The following GPC6 variants were observed in gnomAD, a reference collection of about 807,000 sequenced individuals.
GPC6 encodes the protein glypican-6.
In GPC6, 14 loss-of-function variants were observed where a neutral mutation model predicts 55.2. The observed-to-expected ratio is 0.25, with a 90% CI of 0.17 to 0.40. The LOEUF (loss-of-function observed/expected upper bound fraction) is 0.40. GPC6 is among the 10% of genes least tolerant of loss of function. The pLI is 1.00. For synonymous variants in GPC6, 278 were observed against 259.6 expected (o/e 1.07, Z -0.68); for missense variants, 641 against 708.5 (o/e 0.90, Z 1.08).
chr13:93,827,722 C>T (rs1458453044), intron 2 of GPC6, among the ~76,000 whole-genome samples: 2 of 152,130 alleles, frequency 1.3e-5, no homozygotes, highest in East Asian at 1.9e-4. Context: ...TTATTTGAGC[C>T]GTATTTATTG....
At chr13:93,787,322 T>C (rs2138916250) in intron 2 of GPC6, among the ~76,000 whole-genome samples, 1 of 152,326 alleles carries the variant, frequency 6.6e-6, no homozygotes. Flanking sequence ...ATAGGGTCTC[T>C]GTTATGACTA....
intron 7 of GPC6, among the ~76,000 whole-genome samples, chr13:94,395,208 T>C (rs1339514958): frequency 6.6e-6 from 1 of 152,150 alleles, no homozygotes; most frequent in African/African-American, 2.4e-5. Flanking sequence ...CAATGGCATA[T>C]TTTAGAAGTT....
chr13:93,640,188 A>G (rs1189318278), intron 2 of GPC6, among the ~76,000 whole-genome samples: 3 of 152,224 alleles, frequency 2.0e-5, no homozygotes, highest in African/African-American at 7.2e-5. Flanking sequence ...CACAGGCTTC[A>G]GGAGAAAGTC....
chr13:93,225,660 A>C (rs1376836199), upstream of GPC6, among the ~76,000 whole-genome samples: 1 of 152,016 alleles, frequency 6.6e-6, no homozygotes, highest in East Asian at 1.9e-4. Flanking sequence ...GGAGAGGGGG[A>C]ATTTATTAAA....
chr13:93,638,472 G>A (rs1879785527), intron 2 of GPC6, among the ~76,000 whole-genome samples: 2 of 151,926 alleles, frequency 1.3e-5, no homozygotes, highest in South Asian at 4.2e-4. Context: ...ATTTTATTTT[G>A]AAAATGCATT....
At chr13:94,143,977 A>G (rs1479615512) in intron 4 of GPC6, among the ~76,000 whole-genome samples, 2 of 152,344 alleles carry the variant, frequency 1.3e-5, no homozygotes, top group Non-Finnish European at 1.5e-5. Flanking sequence ...TCAACACATT[A>G]TAGCTTTATA....
chr13:94,097,647 A>G (rs1885716780), intron 4 of GPC6, among the ~76,000 whole-genome samples: 1 of 152,218 alleles, frequency 6.6e-6, no homozygotes, highest in African/African-American at 2.4e-5. Flanking sequence ...ACTTTAAAAT[A>G]GTTAAGATGG....
At chr13:94,121,500 GA>G (rs1280056839) in intron 4 of GPC6, among the ~76,000 whole-genome samples, 2 of 152,066 alleles carry the variant, frequency 1.3e-5, no homozygotes, top group East Asian at 1.9e-4. Flanking sequence ...TATCCCTTAG[GA>G]AGAAAAGTTT....
intron 4 of GPC6, among the ~76,000 whole-genome samples, chr13:94,191,043 G>A (rs1033042160): frequency 6.6e-6 from 1 of 152,058 alleles, no homozygotes; most frequent in African/African-American, 2.4e-5. Context: ...GTATACAAAT[G>A]TTTTTGTACC....
At chr13:93,776,278 C>T (rs1404059501) in intron 2 of GPC6, among the ~76,000 whole-genome samples, 1 of 152,070 alleles carries the variant, frequency 6.6e-6, no homozygotes, top group African/African-American at 2.4e-5. Context: ...GTATTCAACC[C>T]TTACTATGTG....
At chr13:93,774,513 T>A (rs1885401723) in intron 2 of GPC6, among the ~76,000 whole-genome samples, 1 of 152,212 alleles carries the variant, frequency 6.6e-6, no homozygotes. Context: ...TCCTAGACAC[T>A]AATGACACAC....
At chr13:93,990,944 GGAAGGAAGGAAGGAAA>G (rs1321621949) in intron 3 of GPC6, among the ~76,000 whole-genome samples, 5 of 147,756 alleles carry the variant, frequency 3.4e-5, no homozygotes. Context: ...GGAGGAGGAA[GGAAGGAAGGAAGGAAA>G]GAAGGAAGGA....
chr13:93,562,402 GA>G (rs1875860397), intron 2 of GPC6, among the ~76,000 whole-genome samples: 1 of 151,924 alleles, frequency 6.6e-6, no homozygotes. Flanking sequence ...ATTGAAACAG[GA>G]TACTATCATG....
intron 3 of GPC6, among the ~76,000 whole-genome samples, chr13:93,946,576 A>G (rs1231553007): frequency 6.6e-6 from 1 of 152,252 alleles, no homozygotes; most frequent in African/African-American, 2.4e-5. Context: ...GTTTACATCC[A>G]TAAATAAATA....
the GPC6 span, among the ~76,000 whole-genome samples, chr13:93,219,591 T>C: frequency 6.6e-6 from 1 of 151,918 alleles, no homozygotes; most frequent in Non-Finnish European, 1.5e-5. Context: ...TTCACTCTAA[T>C]TTTTTTTGCT....
chr13:94,310,376 T>C lies in GPC6; in HGVS notation c.1152+4253T>C, dbSNP rs77048949. On this transcript the variant is annotated intron_variant, in intron 6 of 8. Transcript: ENST00000377047. ...AGTATTCAACACTGTACTGTGGATG[T>C]GGATTTCTCAAATATCCTACTGGTC... is the stretch of plus-strand genomic sequence containing the variant. Among the ~76,000 whole-genome samples, 95 of 152,348 alleles carry C rather than the reference T, an allele frequency of 6.2e-4. No homozygotes were observed. The East Asian group carries it at 0.018, about 28-fold the overall frequency.
chr13:93,838,730 C>T (rs1887834978), intron 3 of GPC6, among the ~76,000 whole-genome samples: 1 of 151,980 alleles, frequency 6.6e-6, no homozygotes, highest in Admixed American at 6.6e-5. Context: ...AGACCTGAGT[C>T]AAAGCAGCAT....
At chr13:93,968,317 G>C (rs1880137708) in intron 3 of GPC6, among the ~76,000 whole-genome samples, 2 of 152,120 alleles carry the variant, frequency 1.3e-5, no homozygotes, top group South Asian at 4.1e-4. Flanking sequence ...AAGTGTGGAT[G>C]ATTAAAGGTC....
At chr13:93,782,793 A>G (rs953417599) in intron 2 of GPC6, among the ~76,000 whole-genome samples, 1 of 152,118 alleles carries the variant, frequency 6.6e-6, no homozygotes, top group African/African-American at 2.4e-5. Flanking sequence ...ATACATATAT[A>G]TATTTGCAGT....
Sources: gnomAD v4.1 joint callset for allele counts (sites outside exome capture counted in the v4.1 genomes callset) on GRCh38, gnomAD v4.1.1 for gene constraint, MANE v1.5 for transcripts, NCBI Gene and HGNC (gene_info 2026-07-23, HGNC 2026-07-21) for gene names.